GSE1: variants seen among roughly 807,000 people sequenced by gnomAD.
GSE1 encodes the protein genetic suppressor element 1.
GSE1 carries 32 observed loss-of-function variants against 112.6 expected under a neutral mutation model. That is an observed-to-expected ratio of 0.28 (90% CI 0.21 to 0.38). The LOEUF is 0.38. Ranked by LOEUF, GSE1 falls within the 10% of genes least tolerant of loss-of-function variation. The probability of loss-of-function intolerance (pLI) is 1.00; values close to 1 mark genes in which losing one functional copy is unlikely to be tolerated. For missense variants in GSE1, 2,348 were observed against 1,699.2 expected (o/e 1.38, Z -6.71); for synonymous variants, 1,115 against 735.6 (o/e 1.52, Z -8.35).
chr16:85,514,406 G>C (rs2051851253), intron 2 of GSE1, among the ~76,000 whole-genome samples: 1 of 140,854 alleles, frequency 7.1e-6, no homozygotes, highest in South Asian at 2.4e-4. Context: ...CTGCCCCCAG[G>C]ATGCCCGCAT....
rs957576450 is a variant in GSE1, at chr16:85,289,259, C to T, written c.2284-68204C>T. ...AGAGGCTCTTGTGAGTTCATCCTCC[C>T]GCCATTGGCCTCCCCTCCAATGCTG... On this transcript the variant is annotated intron_variant, in intron 1 of 2. Coordinates refer to the GSE1 transcript ENST00000637419. Among the ~76,000 whole-genome samples, 36 of 152,250 alleles carry T rather than the reference C, an allele frequency of 2.4e-4. 1 individual carries two copies. The highest frequency in any genetic ancestry group is 7.2e-4 in the African/African-American group (30 of 41,550).
chr16:85,237,228 C>A (rs962272954), intron 1 of GSE1, among the ~76,000 whole-genome samples: 1 of 152,132 alleles, frequency 6.6e-6, no homozygotes, highest in Non-Finnish European at 1.5e-5. Context: ...GAGGCTGAGG[C>A]AGGAGAATGA....
At chr16:85,547,340 G>A (rs958676294) in intron 2 of GSE1, among the ~76,000 whole-genome samples, 6 of 152,160 alleles carry the variant, frequency 3.9e-5, no homozygotes, top group Non-Finnish European at 7.3e-5. Context: ...ATGTGTCAGC[G>A]GGGCCATGCT....
chr16:85,309,655 C>T (rs960023055), intron 1 of GSE1, among the ~76,000 whole-genome samples: 1 of 152,250 alleles, frequency 6.6e-6, no homozygotes, highest in African/African-American at 2.4e-5. Context: ...AGGACCTGTC[C>T]ACCTCTCCTG....
chr16:85,443,636 G>A (rs774565800), intron 2 of GSE1, among the ~76,000 whole-genome samples: 5 of 152,260 alleles, frequency 3.3e-5, no homozygotes, highest in African/African-American at 1.2e-4. Context: ...GGCGTGTGCC[G>A]AGTGCAGCGG....
At chr16:85,337,958 C>T (rs1251678456) in intron 1 of GSE1, among the ~76,000 whole-genome samples, 1 of 152,222 alleles carries the variant, frequency 6.6e-6, no homozygotes, top group East Asian at 1.9e-4. Context: ...GGTGACCTTT[C>T]AGGTTCTTCC....
intron 2 of GSE1, among the ~76,000 whole-genome samples, chr16:85,459,401 C>T (rs1173340826): frequency 1.3e-5 from 2 of 152,202 alleles, no homozygotes; most frequent in Non-Finnish European, 2.9e-5. Flanking sequence ...GGTTTCAGCT[C>T]CCGCTTGCCA....
At chr16:85,420,109 A>AT (rs1567471421) in intron 2 of GSE1, among the ~76,000 whole-genome samples, 10 of 98,714 alleles carry the variant, frequency 1.0e-4, no homozygotes, top group South Asian at 3.9e-4. Flanking sequence ...CTCAGGCCAG[A>AT]CGGGTGGTGG....
chr16:85,337,886 T>G (rs977170842), intron 1 of GSE1, among the ~76,000 whole-genome samples: 1 of 152,270 alleles, frequency 6.6e-6, no homozygotes, highest in Non-Finnish European at 1.5e-5. Context: ...TGAAAACCAC[T>G]GGCCAAAGCC....
chr16:85,191,635 C>T (rs112993157), intron 1 of GSE1, among the ~76,000 whole-genome samples: 19 of 152,172 alleles, frequency 1.2e-4, no homozygotes, highest in Admixed American at 1.0e-3. Flanking sequence ...GCCGCTGTGC[C>T]TCTTCTGCTC....
intron 1 of GSE1, among the ~76,000 whole-genome samples, chr16:85,597,376 A>T (rs2047278517): frequency 6.8e-6 from 1 of 147,104 alleles, no homozygotes. Context: ...TCTGTCTCAA[A>T]AAAAAAAAAA....
rs528602156 is a variant in GSE1 at position 85,247,831 on chromosome 16, A to G, written c.2283+76024A>G. 5.3e-5 allele frequency among the ~76,000 whole-genome samples: 8 copies of G among 152,318 alleles called. No individual in the cohort carries two copies. The East Asian group carries it at 1.5e-3, about 29-fold the overall frequency. On this transcript the variant is annotated intron_variant, in intron 1 of 2. Coordinates refer to the GSE1 transcript ENST00000637419. ...GCTGGTCTTTGAGTGCAGTGGGGACACCTGAGCCCCGTTCTGAACAGTGGC... is the reference window on the plus strand; with the variant it reads ...GCTGGTCTTTGAGTGCAGTGGGGACGCCTGAGCCCCGTTCTGAACAGTGGC...
chr16:85,265,852 G>A (rs1056439520), intron 1 of GSE1, among the ~76,000 whole-genome samples: 1 of 152,196 alleles, frequency 6.6e-6, no homozygotes, highest in Non-Finnish European at 1.5e-5. Context: ...GGCCAGGGCA[G>A]GTGAGGTCCC....
At chr16:85,520,883 A>G (rs1454814946) in intron 2 of GSE1, among the ~76,000 whole-genome samples, 1 of 152,170 alleles carries the variant, frequency 6.6e-6, no homozygotes, top group Non-Finnish European at 1.5e-5. Flanking sequence ...TAAGTACAGG[A>G]CCAAGGACCA....
chr16:85,400,899 G>A (rs746115845), intron 2 of GSE1, among the ~76,000 whole-genome samples: 3 of 152,098 alleles, frequency 2.0e-5, no homozygotes, highest in Non-Finnish European at 4.4e-5. Flanking sequence ...TTGTGGGTCT[G>A]TGTGTCTGTG....
chr16:85,546,137 TAC>T (rs1356177682), intron 2 of GSE1, among the ~76,000 whole-genome samples: 2 of 151,874 alleles, frequency 1.3e-5, no homozygotes, highest in African/African-American at 4.8e-5. Context: ...CAGGCTAGAG[TAC>T]AGTGGCCCGA....
intron 1 of GSE1, among the ~76,000 whole-genome samples, chr16:85,603,083 T>A (rs1198879541): frequency 6.6e-6 from 1 of 152,206 alleles, no homozygotes; most frequent in Non-Finnish European, 1.5e-5. Context: ...ACAGGTGTGT[T>A]CATTTCAGTG....
At chr16:85,455,632 G>T (rs1478588081) in intron 2 of GSE1, among the ~76,000 whole-genome samples, 2 of 152,208 alleles carry the variant, frequency 1.3e-5, no homozygotes, top group African/African-American at 4.8e-5. Flanking sequence ...TGGAATTGAT[G>T]GCTCAGTCTC....
intron 1 of GSE1, among the ~76,000 whole-genome samples, chr16:85,565,191 A>G (rs1296827121): frequency 6.6e-6 from 1 of 152,044 alleles, no homozygotes; most frequent in Non-Finnish European, 1.5e-5. Context: ...CGAGTTCAAG[A>G]CCAGCCTGAC....
Sources: gnomAD v4.1 joint callset for allele counts (sites outside exome capture counted in the v4.1 genomes callset) on GRCh38, gnomAD v4.1.1 for gene constraint, MANE v1.5 for transcripts, NCBI Gene and HGNC (gene_info 2026-07-23, HGNC 2026-07-21) for gene names.